The following ATL1 variants were observed in gnomAD, a reference collection of about 807,000 sequenced individuals.
The protein encoded by ATL1 is atlastin-1.
Under a neutral mutation model 75.5 loss-of-function variants are expected in ATL1, and 31 were observed. The observed-to-expected ratio is 0.41, with a 90% CI of 0.31 to 0.55. The LOEUF is 0.55. Among genes scored for constraint, ATL1 ranks in the 20% least tolerant of loss-of-function variants. The pLI is 0.27. For synonymous variants in ATL1, 226 were observed against 233.3 expected, an observed-to-expected ratio of 0.97 and a Z score of 0.28; for missense variants, 405 against 662.6, an observed-to-expected ratio of 0.61 and a Z score of 4.27.
chr14:50,539,534 G>C (rs958870835), intron 1 of ATL1, among the ~76,000 whole-genome samples: 1 of 152,190 alleles, frequency 6.6e-6, no homozygotes, highest in Non-Finnish European at 1.5e-5. Flanking sequence ...TTAATTAAAC[G>C]TGAGACCCAG....
Position 50,595,020 on chromosome 14 carries a change from GA to G in ATL1, c.574-546del, listed in dbSNP as rs1304077072. 9.5e-5 allele frequency among the ~76,000 whole-genome samples: 13 copies of G among 137,306 alleles called. No individual in the cohort carries two copies. In the East Asian group the frequency reaches 1.1e-3, roughly 11 times the overall value. 90.1% of individuals were successfully genotyped at this position (137,306 alleles called of 152,430 possible). A position where few individuals can be genotyped will look rare whatever the true frequency, so the allele number is the denominator to read the frequency against. The stretch of plus-strand genomic sequence containing the variant: ...TCTCAAAAAAAAAAAAAACAAAAAA[GA>G]AAAAAAAAAGAAAAAGAAAAAAGAC... On this transcript the variant is annotated intron_variant, in intron 5 of 13. Coordinates refer to ENST00000358385, the MANE Select transcript of ATL1 (RefSeq NM_015915.5).
intron 2 of ATL1, 38 bp from the exon 3 acceptor site, chr14:50,590,903 A>AT: frequency 6.2e-7 from 1 of 1,603,078 alleles, no homozygotes; most frequent in South Asian, 1.1e-5. Context: ...CTATATACAC[A>AT]TATCAAGTTC....
intron 6 of ATL1, among the ~76,000 whole-genome samples, chr14:50,601,251 G>A (rs2039269309): frequency 6.6e-6 from 1 of 151,994 alleles, no homozygotes; most frequent in Non-Finnish European, 1.5e-5. Flanking sequence ...AAAATGAATA[G>A]CTGAATTAAC....
intron 13 of ATL1, chr14:50,630,791 T>C (rs973594178): frequency 1.6e-5 from 5 of 322,528 alleles, no homozygotes; most frequent in African/African-American, 2.2e-5. Context: ...GTAAGCAAGT[T>C]CATTAAAAAA....
At chr14:50,572,674 G>A (rs2038965120) in intron 1 of ATL1, among the ~76,000 whole-genome samples, 1 of 151,790 alleles carries the variant, frequency 6.6e-6, no homozygotes, top group Non-Finnish European at 1.5e-5. Context: ...TGGATACTGA[G>A]CTCGTACATT....
intron 1 of ATL1, among the ~76,000 whole-genome samples, chr14:50,574,933 G>GTATA (rs1247422328): frequency 2.0e-3 from 94 of 45,942 alleles, no homozygotes; most frequent in African/African-American, 2.7e-3. Flanking sequence ...GTGTGTGTGT[G>GTATA]TGTGTATATA....
chr14:50,606,426 A>C (rs1418905721), intron 6 of ATL1, among the ~76,000 whole-genome samples: 2 of 151,950 alleles, frequency 1.3e-5, no homozygotes, highest in African/African-American at 4.8e-5. Flanking sequence ...AAAGTTAATC[A>C]ATAGTATGTG....
At chr14:50,584,822 C>T (rs2039087718) in intron 1 of ATL1, among the ~76,000 whole-genome samples, 1 of 151,486 alleles carries the variant, frequency 6.6e-6, no homozygotes, top group South Asian at 2.1e-4. Context: ...AAAATGTTAA[C>T]CATAAAAGAA....
chr14:50,616,466 ATTT>A (rs1341059049), intron 8 of ATL1, among the ~76,000 whole-genome samples: 5 of 92,330 alleles, frequency 5.4e-5, no homozygotes, highest in Non-Finnish European at 8.0e-5. Context: ...TTATTTATTT[ATTT>A]ATTTATTTAT....
At chr14:50,621,804 T>A (rs1468588797) in intron 9 of ATL1, 39 bp from the exon 10 acceptor site, 1 of 1,268,844 alleles carries the variant, frequency 7.9e-7, no homozygotes. Flanking sequence ...AAATATTGAA[T>A]GGAATTGCTT....
At chr14:50,617,010 C>T (rs535280436) in intron 8 of ATL1, among the ~76,000 whole-genome samples, 1 of 152,080 alleles carries the variant, frequency 6.6e-6, no homozygotes, top group East Asian at 1.9e-4. Flanking sequence ...GAAAAGTCTC[C>T]GAATAAACAA....
intron 1 of ATL1, among the ~76,000 whole-genome samples, chr14:50,575,990 G>A (rs1228047121): frequency 6.6e-6 from 1 of 152,124 alleles, no homozygotes; most frequent in Non-Finnish European, 1.5e-5. Context: ...AAGGTGAAAT[G>A]ATATACAGAC....
intron 11 of ATL1, 52 bp downstream of exon 11, chr14:50,623,300 T>A: frequency 7.0e-7 from 1 of 1,424,528 alleles, no homozygotes; most frequent in Non-Finnish European, 9.8e-7. Flanking sequence ...GTATCCTTCA[T>A]GCAACTCATT....
intron 6 of ATL1, among the ~76,000 whole-genome samples, chr14:50,603,252 T>C (rs1325075031): frequency 6.6e-6 from 1 of 152,218 alleles, no homozygotes; most frequent in Non-Finnish European, 1.5e-5. Context: ...AGTACTTCAC[T>C]TTCTGGAGTT....
chr14:50,597,221 AAAAAAAAAAAAAG>A (rs2039227664), intron 6 of ATL1, among the ~76,000 whole-genome samples: 1 of 12,060 alleles, frequency 8.3e-5, no homozygotes, highest in Admixed American at 1.0e-3. Context: ...AAAAACAAAC[AAAAAAAAAAAAAG>A]AAAAAAGAAA....
intron 13 of ATL1, 109 bp downstream of exon 13, chr14:50,630,118 C>A (rs1268135015): frequency 3.6e-5 from 25 of 703,778 alleles, no homozygotes; most frequent in Non-Finnish European, 5.7e-5. Context: ...TTAGAACAAT[C>A]TTTGGTGACT....
At chr14:50,545,057 A>G (rs146554577) in intron 1 of ATL1, among the ~76,000 whole-genome samples, 5 of 152,218 alleles carry the variant, frequency 3.3e-5, no homozygotes, top group East Asian at 3.9e-4. Flanking sequence ...AGCCAAGGCC[A>G]TGATGTCCAG....
rs2039458192 is a variant in ATL1 at position 50,620,586 on chromosome 14, C to A, written c.863-13C>A. 7 of 1,609,724 alleles carry A rather than the reference C, an allele frequency of 4.3e-6. No individual in the cohort carries two copies. Among genetic ancestry groups the A allele is most frequent in the Non-Finnish European group, 5.9e-6 (7 of 1,177,160 alleles). ...GATTCCAAAAATAATAATGGATTTG[C>A]TTTTACTTGTAGAAATAGATGATGA... On this transcript the variant is annotated splice_polypyrimidine_tract_variant and intron_variant, in intron 8 of 13. Coordinates refer to ENST00000358385, the MANE Select transcript of ATL1 (RefSeq NM_015915.5).
rs2039208893 is a variant in ATL1 at position 50,595,626 on chromosome 14, A to G, written c.624A>G (p.Pro208=). 9 of 1,613,826 alleles carry G rather than the reference A, an allele frequency of 5.6e-6. No individual in the cohort carries two copies. Among genetic ancestry groups the G allele is most frequent in the Non-Finnish European group, 7.6e-6 (9 of 1,179,876 alleles). The part of the protein sequence containing the change: ...RLAMEETFLK[P]FQSLIFLVRD... ...CAATGGAGGAAACATTCCTGAAGCC[A>G]TTTCAGGTGAGCGAGTGTTAAATGA... is the stretch of plus-strand genomic sequence containing the variant. Residue 208 remains proline (P), a synonymous_variant, in exon 6 of 14, where the codon CCA becomes CCG. Transcript: ENST00000358385.
Sources: allele counts gnomAD v4.1 joint callset (sites outside exome capture counted in the v4.1 genomes callset), GRCh38; gene constraint gnomAD v4.1.1; transcripts MANE v1.5; gene names NCBI Gene and HGNC (gene_info 2026-07-23, HGNC 2026-07-21).